The following MCF2L2 variants were observed in gnomAD, a reference collection of about 807,000 sequenced individuals.
The protein encoded by MCF2L2 is MCF.2 cell line derived transforming sequence-like 2.
A neutral mutation model predicts 150.2 loss-of-function variants in MCF2L2; 102 were observed. That is an observed-to-expected ratio of 0.68 (90% CI 0.58 to 0.80). MCF2L2 has a LOEUF of 0.80. Ranked by LOEUF, MCF2L2 falls within the 30% of genes least tolerant of loss-of-function variation. The pLI, the probability that MCF2L2 is intolerant of heterozygous loss-of-function variation, is 0.00. For missense variants in MCF2L2, 1,256 were observed against 1,372.8 expected, an observed-to-expected ratio of 0.91 and a Z score of 1.34; for synonymous variants, 465 against 491.3, an observed-to-expected ratio of 0.95 and a Z score of 0.71.
chr3:183,240,970 T>G (rs897801307), intron 15 of MCF2L2, among the ~76,000 whole-genome samples: 3 of 152,268 alleles, frequency 2.0e-5, no homozygotes, highest in Non-Finnish European at 2.9e-5. Context: ...ACTATGAGCC[T>G]GGCTCCATGA....
At chr3:183,216,568 ATATATATATATATTTTTTTTTTTTTTT>A in intron 21 of MCF2L2, among the ~76,000 whole-genome samples, 2 of 7,002 alleles carry the variant, frequency 2.9e-4, no homozygotes, top group African/African-American at 1.2e-3. Flanking sequence ...ATATATATAT[ATATATATATATATTTTTTTTTTTTTTT>A]TTTTTTTTTT....
chr3:183,277,313 A>G, intron 14 of MCF2L2, among the ~76,000 whole-genome samples: 1 of 150,042 alleles, frequency 6.7e-6, no homozygotes, highest in Admixed American at 6.6e-5. Context: ...CTCCAGCCTC[A>G]GCAACAGAGC....
intron 1 of MCF2L2, among the ~76,000 whole-genome samples, chr3:183,401,785 GTTT>G (rs1714769899): frequency 1.3e-5 from 2 of 152,180 alleles, no homozygotes; most frequent in South Asian, 4.1e-4. Flanking sequence ...TCATTGCTGA[GTTT>G]CATGTCATTG....
intron 14 of MCF2L2, among the ~76,000 whole-genome samples, chr3:183,278,983 T>C (rs187370848): frequency 6.6e-6 from 1 of 152,302 alleles, no homozygotes; most frequent in East Asian, 1.9e-4. Context: ...GCAAGTCTAA[T>C]GGAATATAAC....
rs1167004500 is a variant in MCF2L2, at chr3:183,344,145, C to CA, written c.276-2516_276-2515insT. The stretch of plus-strand genomic sequence containing the variant: ...AAACAAAAACAAAACCACCACCCCC[C>CA]CCAAAAAAAGTACTATTGAAACTAG... On this transcript the variant is annotated intron_variant, in intron 3 of 29. Coordinates refer to ENST00000328913, the MANE Select transcript of MCF2L2 (RefSeq NM_015078.4). Among the ~76,000 whole-genome samples the CA allele has an allele frequency of 2.6e-5, 4 of 151,914 alleles. No homozygotes were observed. The Middle Eastern group carries it at 0.01, about 388-fold the overall frequency.
intron 1 of MCF2L2, among the ~76,000 whole-genome samples, chr3:183,392,619 G>A (rs916851546): frequency 6.6e-6 from 1 of 152,218 alleles, no homozygotes; most frequent in Non-Finnish European, 1.5e-5. Context: ...AGTCTTCCTA[G>A]CAAAGGAGCC....
chr3:183,329,784 A>G (rs1371836945), intron 5 of MCF2L2, among the ~76,000 whole-genome samples: 3 of 152,254 alleles, frequency 2.0e-5, no homozygotes, highest in African/African-American at 7.2e-5. Context: ...CATAAAGTGC[A>G]TTTACACAAA....
chr3:183,234,685 CTCTTT>C (rs1382183628), intron 15 of MCF2L2, among the ~76,000 whole-genome samples: 11 of 80,160 alleles, frequency 1.4e-4, no homozygotes, highest in African/African-American at 6.6e-4. Context: ...AAATGTATGA[CTCTTT>C]TTTTTTTTTT....
At chr3:183,402,087 T>G (rs1223702777) in intron 1 of MCF2L2, among the ~76,000 whole-genome samples, 1 of 152,168 alleles carries the variant, frequency 6.6e-6, no homozygotes, top group Non-Finnish European at 1.5e-5. Context: ...TCTTTGTTGT[T>G]GTTAAAAGTA....
At chr3:183,338,226 C>G (rs896346241) in intron 5 of MCF2L2, among the ~76,000 whole-genome samples, 1 of 151,844 alleles carries the variant, frequency 6.6e-6, no homozygotes, top group South Asian at 2.1e-4. Context: ...GCGGGTGTAT[C>G]ACCTGAAGCC....
chr3:183,310,782 A>G (rs1729337711), intron 9 of MCF2L2, 133 bp downstream of exon 9: 3 of 637,954 alleles, frequency 4.7e-6, no homozygotes. Flanking sequence ...GGTGGTCTGT[A>G]AAGAAGCAAG....
At chr3:183,279,622 A>T (rs73884632) in intron 14 of MCF2L2, among the ~76,000 whole-genome samples, 1 of 152,136 alleles carries the variant, frequency 6.6e-6, no homozygotes, top group Non-Finnish European at 1.5e-5. Context: ...GGCCTGCCCT[A>T]TTGGGAGGCC....
At chr3:183,231,812 G>A (rs1053589392) in intron 15 of MCF2L2, among the ~76,000 whole-genome samples, 1 of 152,154 alleles carries the variant, frequency 6.6e-6, no homozygotes, top group Non-Finnish European at 1.5e-5. Context: ...GGGGTTAGAT[G>A]TATGCTAGCT....
At chr3:183,336,582 T>C (rs1730490222) in intron 5 of MCF2L2, among the ~76,000 whole-genome samples, 1 of 151,756 alleles carries the variant, frequency 6.6e-6, no homozygotes, top group South Asian at 2.1e-4. Flanking sequence ...GCGTGGTGGC[T>C]CCCACTTGTA....
At chr3:183,364,821 G>T (rs999929859) in intron 3 of MCF2L2, among the ~76,000 whole-genome samples, 41 of 152,044 alleles carry the variant, frequency 2.7e-4, no homozygotes, top group African/African-American at 9.9e-4. Context: ...GAAAATATAG[G>T]TTACTTAAAT....
chr3:183,274,289 G>A (rs1013702650), intron 15 of MCF2L2, among the ~76,000 whole-genome samples: 1 of 152,080 alleles, frequency 6.6e-6, no homozygotes, highest in Non-Finnish European at 1.5e-5. Context: ...TTGAGAGAGG[G>A]ATGAAATCAC....
chr3:183,311,470 T>A (rs1182764932), intron 8 of MCF2L2, among the ~76,000 whole-genome samples, 178 bp downstream of exon 8: 14 of 152,220 alleles, frequency 9.2e-5, no homozygotes, highest in Admixed American at 9.2e-4. Context: ...CATAAAAAGA[T>A]CTCTGTATGT....
At chr3:183,398,938 G>A (rs969472883) in intron 1 of MCF2L2, among the ~76,000 whole-genome samples, 1 of 152,118 alleles carries the variant, frequency 6.6e-6, no homozygotes, top group African/African-American at 2.4e-5. Context: ...ATAATGCTGT[G>A]AGCTTAGGAT....
chr3:183,390,924 A>G (rs1714108903), intron 1 of MCF2L2, among the ~76,000 whole-genome samples: 1 of 152,190 alleles, frequency 6.6e-6, no homozygotes. Context: ...AACAAAAACA[A>G]TAACAAAAAA....
Sources: allele counts gnomAD v4.1 joint callset (sites outside exome capture counted in the v4.1 genomes callset), GRCh38; gene constraint gnomAD v4.1.1; transcripts MANE v1.5; gene names NCBI Gene and HGNC (gene_info 2026-07-23, HGNC 2026-07-21).